The following ARHGAP32 variants were observed in gnomAD, a reference collection of about 807,000 sequenced individuals.
The protein encoded by ARHGAP32 is Rho GTPase activating protein 32, also known as rho GTPase-activating protein 32.
In ARHGAP32, 51 loss-of-function variants were observed where a neutral mutation model predicts 186.5. The observed-to-expected ratio is 0.27, with a 90% CI of 0.22 to 0.35. The LOEUF (loss-of-function observed/expected upper bound fraction) is 0.35, where lower values mean the gene tolerates loss of function less well. Among genes scored for constraint, ARHGAP32 ranks in the 10% least tolerant of loss-of-function variants. The pLI is 1.00. For synonymous variants in ARHGAP32, 950 were observed against 964.3 expected, an observed-to-expected ratio of 0.99 and a Z score of 0.27; for missense variants, 2,186 against 2,623.5, an observed-to-expected ratio of 0.83 and a Z score of 3.64.
intron 2 of ARHGAP32, among the ~76,000 whole-genome samples, chr11:129,153,528 TA>T (rs907137370): frequency 1.6e-4 from 24 of 151,888 alleles, no homozygotes; most frequent in Middle Eastern, 3.2e-3. Context: ...TACTGGTATT[TA>T]AAAAAAGGCA....
In ARHGAP32 at chr11:129,157,071, A is replaced by G. The variant is rs376677215; in HGVS notation, c.225+7248T>C. ...GGACGTACACACATAAACCCCATCC[A>G]AAGTTACCAACATCAAACACCAAAG... On this transcript the variant is annotated intron_variant, in intron 2 of 22. Coordinates refer to ENST00000682385, the MANE Select transcript of ARHGAP32 (RefSeq NM_001378024.1). Among the ~76,000 whole-genome samples, 9 of 152,310 alleles carry G rather than the reference A, an allele frequency of 5.9e-5. No individual in the cohort carries two copies. The East Asian group carries it at 1.5e-3, about 26-fold the overall frequency.
intron 5 of ARHGAP32, among the ~76,000 whole-genome samples, chr11:129,096,331 G>A (rs1019132597): frequency 6.6e-6 from 1 of 152,022 alleles, no homozygotes; most frequent in African/African-American, 2.4e-5. Flanking sequence ...CTGGAAAAAC[G>A]GCAGACTCAC....
chr11:128,982,623 T>C (rs1945739908), intron 15 of ARHGAP32, among the ~76,000 whole-genome samples: 1 of 151,934 alleles, frequency 6.6e-6, no homozygotes, highest in African/African-American at 2.4e-5. Context: ...GTGATGGCTA[T>C]TGCCTGTAAT....
rs760042720 is a variant in ARHGAP32 at position 128,973,394 on chromosome 11, C to T, written c.3112G>A (p.Val1038Ile). The T allele has an allele frequency of 6.2e-7, 1 of 1,613,836 alleles. No individual in the cohort carries two copies. Among genetic ancestry groups the T allele is most frequent in the Non-Finnish European group, 8.5e-7 (1 of 1,179,980 alleles). ...THDPPQDSVP[V>I]SSVSLIPPPP... is the part of the protein sequence containing the mutation. ...GGTGGGATAAGAGAGACTGAACTGA[C>T]AGGAACGGAATCCTGAGGGGGGTCA... The change falls in exon 22 of 23, where the codon GTC becomes ATC. Residue 1038 changes from valine to isoleucine, a missense_variant. Coordinates refer to ENST00000682385, the MANE Select transcript of ARHGAP32 (RefSeq NM_001378024.1).
chr11:129,142,205 CCT>C (rs755232192), intron 2 of ARHGAP32, among the ~76,000 whole-genome samples: 9 of 152,192 alleles, frequency 5.9e-5, no homozygotes, highest in Non-Finnish European at 1.0e-4. Context: ...CGGCTCTTCC[CCT>C]CTTTCCGCCC....
At chr11:129,120,825 G>C (rs927442504) in intron 5 of ARHGAP32, among the ~76,000 whole-genome samples, 2 of 152,102 alleles carry the variant, frequency 1.3e-5, no homozygotes, top group African/African-American at 4.8e-5. Flanking sequence ...TGTCACTGCA[G>C]AATGTCCCAG....
intron 1 of ARHGAP32, among the ~76,000 whole-genome samples, chr11:129,261,592 G>A (rs896842923): frequency 6.6e-6 from 1 of 152,152 alleles, no homozygotes; most frequent in Non-Finnish European, 1.5e-5. Context: ...AATGCTAAAA[G>A]AAAGCCAGTA....
intron 11 of ARHGAP32, among the ~76,000 whole-genome samples, chr11:129,040,134 C>G (rs1200311910): frequency 6.8e-6 from 1 of 147,536 alleles, no homozygotes. Flanking sequence ...TTTTTTTTTT[C>G]TTAACTCTTA....
intron 11 of ARHGAP32, among the ~76,000 whole-genome samples, chr11:129,017,366 T>G (rs1938400402): frequency 6.6e-6 from 1 of 150,808 alleles, no homozygotes; most frequent in Admixed American, 6.6e-5. Context: ...GAGAATCATT[T>G]GAACCTGGAG....
chr11:129,112,966 TTTC>T (rs1186918817), intron 5 of ARHGAP32, among the ~76,000 whole-genome samples: 2 of 152,286 alleles, frequency 1.3e-5, no homozygotes, highest in East Asian at 3.9e-4. Flanking sequence ...CTTCATTAAT[TTTC>T]TTTTTTAAAA....
intron 1 of ARHGAP32, among the ~76,000 whole-genome samples, chr11:129,184,389 A>G (rs1044134111): frequency 1.3e-5 from 2 of 152,164 alleles, no homozygotes; most frequent in Admixed American, 1.3e-4. Flanking sequence ...AAAGCTCCAA[A>G]GCTCAAAAAG....
intron 2 of ARHGAP32, among the ~76,000 whole-genome samples, chr11:129,153,477 T>G (rs77569416): frequency 0.13 from 19,725 of 152,152 alleles, 1,404 homozygotes; most frequent in Non-Finnish European, 0.15. Context: ...TTACTCAACT[T>G]CAAACTATAC....
intron 2 of ARHGAP32, among the ~76,000 whole-genome samples, chr11:129,150,412 C>T (rs1943263859): frequency 6.6e-6 from 1 of 152,118 alleles, no homozygotes; most frequent in African/African-American, 2.4e-5. Flanking sequence ...CTGGCTCCTG[C>T]AGTGCCCCAC....
chr11:129,170,553 A>G (rs907075915), intron 1 of ARHGAP32, among the ~76,000 whole-genome samples: 1 of 152,122 alleles, frequency 6.6e-6, no homozygotes, highest in Non-Finnish European at 1.5e-5. Flanking sequence ...GTGCATATGT[A>G]CCACATTTTC....
chr11:129,116,249 A>G (rs1005508220), intron 5 of ARHGAP32, among the ~76,000 whole-genome samples: 5 of 152,066 alleles, frequency 3.3e-5, no homozygotes, highest in Non-Finnish European at 5.9e-5. Flanking sequence ...CAACAATACT[A>G]TAAGTAAACT....
chr11:128,980,461 T>C, intron 18 of ARHGAP32, 92 bp downstream of exon 18: 1 of 1,016,708 alleles, frequency 9.8e-7, no homozygotes, highest in Non-Finnish European at 1.4e-6. Flanking sequence ...AATAGAGTAA[T>C]ACTAAAATAC....
In ARHGAP32 at chr11:128,970,112, G is replaced by A; in HGVS notation, c.5101C>T (p.Arg1701Ter). ...CTAGGATTGTAGAAAGCAAAGTCTC[G>A]ATTGGGAAGGCGGTGAAGGGGTCTC... ...QLRPLHRLPN[R>*]DFAFYNPRLQ... Residue 1701 changes from arginine to a stop codon, truncating the protein, a stop_gained, in exon 23 of 23, where the codon CGA becomes TGA. Transcript: ENST00000682385. LOFTEE classifies it high-confidence loss of function. This position sits in a 1 kb window ranked among gnomAD's most constrained non-coding sequence, Gnocchi z 5.8. 2 of 1,614,196 alleles carry A rather than the reference G, an allele frequency of 1.2e-6. No homozygotes were observed. Among genetic ancestry groups the A allele is most frequent in the African/African-American group, 1.3e-5 (1 of 75,058 alleles).
At chr11:128,979,018 A>G in intron 18 of ARHGAP32, 103 bp from the exon 19 acceptor site, 1 of 1,054,054 alleles carries the variant, frequency 9.5e-7, no homozygotes, top group Non-Finnish European at 1.3e-6. Flanking sequence ...CAGGCTGGAG[A>G]AGCATAAGTG....
intron 1 of ARHGAP32, among the ~76,000 whole-genome samples, chr11:129,251,401 A>G (rs886274449): frequency 2.0e-5 from 3 of 152,230 alleles, no homozygotes; most frequent in African/African-American, 7.2e-5. Flanking sequence ...AGAAAACAGT[A>G]AACTTCTAAA....
Sources: allele counts gnomAD v4.1 joint callset (sites outside exome capture counted in the v4.1 genomes callset), GRCh38; gene constraint gnomAD v4.1.1; non-coding constraint Gnocchi (gnomAD v3.1); transcripts MANE v1.5; gene names NCBI Gene and HGNC (gene_info 2026-07-23, HGNC 2026-07-21).